LRRTM4: variants seen among roughly 807,000 people sequenced by gnomAD.
The protein encoded by LRRTM4 is leucine rich repeat transmembrane neuronal 4, also known as leucine-rich repeat transmembrane neuronal protein 4.
Under a neutral mutation model 47.6 loss-of-function variants are expected in LRRTM4, and 25 were observed. That is an observed-to-expected ratio of 0.53 (90% CI 0.38 to 0.73). The LOEUF (loss-of-function observed/expected upper bound fraction) is 0.73. LRRTM4 is among the 30% of genes least tolerant of loss of function. The pLI is 0.00. For synonymous variants in LRRTM4, 311 were observed against 269.5 expected, an observed-to-expected ratio of 1.15 and a Z score of -1.51; for missense variants, 638 against 713.4, an observed-to-expected ratio of 0.89 and a Z score of 1.20.
At chr2:76,921,327 C>T (rs1674426326) in intron 3 of LRRTM4, among the ~76,000 whole-genome samples, 1 of 151,990 alleles carries the variant, frequency 6.6e-6, no homozygotes, top group African/African-American at 2.4e-5. Context: ...CAGAAGTTCC[C>T]TTCTCAGCTA....
At chr2:77,330,564 A>T (rs1465021616) in intron 3 of LRRTM4, among the ~76,000 whole-genome samples, 1 of 152,202 alleles carries the variant, frequency 6.6e-6, no homozygotes, top group African/African-American at 2.4e-5. Flanking sequence ...ATGTAAAAAA[A>T]TTCCTACAGC....
At chr2:76,775,150 C>T in intron 3 of LRRTM4, among the ~76,000 whole-genome samples, 1 of 152,162 alleles carries the variant, frequency 6.6e-6, no homozygotes, top group East Asian at 1.9e-4. Flanking sequence ...TCATTCACAA[C>T]ATTTAGACAT....
At chr2:76,972,439 C>G (rs1042814458) in intron 3 of LRRTM4, among the ~76,000 whole-genome samples, 6 of 96,646 alleles carry the variant, frequency 6.2e-5, no homozygotes, top group African/African-American at 1.3e-4. Flanking sequence ...TTTTTTTGAG[C>G]TGGAGTCTCC....
intron 3 of LRRTM4, among the ~76,000 whole-genome samples, chr2:77,480,627 G>A (rs972433061): frequency 3.3e-5 from 5 of 151,978 alleles, no homozygotes; most frequent in African/African-American, 1.2e-4. Context: ...TATTAATAAA[G>A]CAGGCATATT....
At chr2:77,041,657 T>C (rs1174002420) in intron 3 of LRRTM4, among the ~76,000 whole-genome samples, 5 of 151,418 alleles carry the variant, frequency 3.3e-5, no homozygotes, top group African/African-American at 2.4e-5. Flanking sequence ...ATTAGTGATG[T>C]TGATTACTTT....
At position 76,949,952 on chromosome 2, in the gene LRRTM4, T is replaced by C. The variant is rs1573357375; in HGVS notation, c.1552-201036A>G. The stretch of plus-strand genomic sequence containing the variant: ...TGAGAAAAGCAAAATGCAGGAAAAG[T>C]AGAGATAAGATAGAAGACAAAATAT... On this transcript the variant is annotated intron_variant, in intron 3 of 3. Coordinates refer to ENST00000409884, the MANE Select transcript of LRRTM4 (RefSeq NM_001134745.3). 1.3e-5 allele frequency among the ~76,000 whole-genome samples: 2 copies of C among 151,692 alleles called. 1 individual carries two copies. Among genetic ancestry groups the C allele is most frequent in the Admixed American group, 1.3e-4 (2 of 15,206 alleles).
At chr2:77,204,614 G>A (rs1674069281) in intron 3 of LRRTM4, among the ~76,000 whole-genome samples, 2 of 152,118 alleles carry the variant, frequency 1.3e-5, no homozygotes, top group South Asian at 4.1e-4. Context: ...GCTATCTTGA[G>A]TCAAGCATTC....
Position 76,954,168 on chromosome 2 carries a change from G to A in LRRTM4, c.1552-205252C>T, listed in dbSNP as rs149205488. ...TATGGATCCCCACACAATGTTACAC[G>A]GCATGTAAAGAAATAGAAATAAGGC... is the stretch of plus-strand genomic sequence containing the variant. On this transcript the variant is annotated intron_variant, in intron 3 of 3. Transcript: ENST00000409884. Among the ~76,000 whole-genome samples, 527 of 151,668 alleles carry A rather than the reference G, an allele frequency of 3.5e-3. 4 individuals are homozygous for A. Among genetic ancestry groups the A allele is most frequent in the African/African-American group, 0.011 (467 of 41,392 alleles).
chr2:76,794,510 T>A (rs1573114826), intron 3 of LRRTM4, among the ~76,000 whole-genome samples: 1 of 152,274 alleles, frequency 6.6e-6, no homozygotes, highest in African/African-American at 2.4e-5. Context: ...AGGCAAACAT[T>A]TGCACCTCTT....
chr2:77,166,732 C>A (rs1672897407), intron 3 of LRRTM4, among the ~76,000 whole-genome samples: 1 of 152,208 alleles, frequency 6.6e-6, no homozygotes, highest in African/African-American at 2.4e-5. Context: ...ATAAATGGTA[C>A]TGGGAAAACT....
At chr2:77,286,680 A>G (rs972451428) in intron 3 of LRRTM4, among the ~76,000 whole-genome samples, 5 of 152,002 alleles carry the variant, frequency 3.3e-5, no homozygotes, top group African/African-American at 7.2e-5. Flanking sequence ...GAAGGCTTCT[A>G]TTTCAAATTA....
intron 3 of LRRTM4, among the ~76,000 whole-genome samples, chr2:77,067,716 C>T (rs372841180): frequency 6.8e-6 from 1 of 147,640 alleles, no homozygotes; most frequent in Non-Finnish European, 1.5e-5. Flanking sequence ...CACACACACA[C>T]ATACATATTT....
At chr2:77,176,891 C>G (rs1312405666) in intron 3 of LRRTM4, among the ~76,000 whole-genome samples, 1 of 152,090 alleles carries the variant, frequency 6.6e-6, no homozygotes, top group Non-Finnish European at 1.5e-5. Flanking sequence ...AAAGTGACAT[C>G]TGCTTGTGCT....
At chr2:77,504,207 A>G (rs1476016778) in intron 3 of LRRTM4, among the ~76,000 whole-genome samples, 1 of 151,396 alleles carries the variant, frequency 6.6e-6, no homozygotes, top group Non-Finnish European at 1.5e-5. Context: ...GACTGCCACC[A>G]TTTTTTTTGT....
intron 3 of LRRTM4, among the ~76,000 whole-genome samples, chr2:77,352,823 C>T (rs1485538790): frequency 6.6e-6 from 1 of 151,568 alleles, no homozygotes; most frequent in Non-Finnish European, 1.5e-5. Context: ...AATAGAGAAA[C>T]AAAAAATAAC....
chr2:77,240,284 TA>T (rs556339744), intron 3 of LRRTM4, among the ~76,000 whole-genome samples: 206 of 151,960 alleles, frequency 1.4e-3, no homozygotes, highest in Non-Finnish European at 2.3e-3. Context: ...ATCAATGTGA[TA>T]GAGTAAAGAA....
At chr2:76,795,955 C>G (rs4852417) in intron 3 of LRRTM4, among the ~76,000 whole-genome samples, 3 of 150,254 alleles carry the variant, frequency 2.0e-5, no homozygotes, top group African/African-American at 7.4e-5. Context: ...TCAGTGGGTG[C>G]GCGCACCATG....
rs181266470 is a variant in LRRTM4, at chr2:77,307,471, T to A, written c.1551+210847A>T. On this transcript the variant is annotated intron_variant, in intron 3 of 3. Transcript: ENST00000409884. ...TTCTGAAATTTAATAATTCAATGTT[T>A]ATATACATACATAATACATGTCACT... Among the ~76,000 whole-genome samples, 561 of 148,278 alleles carry A rather than the reference T, an allele frequency of 3.8e-3. 2 individuals are homozygous for A. The highest frequency in any genetic ancestry group is 7.2e-3 in the Middle Eastern group (2 of 276).
chr2:76,781,857 A>T (rs960066824), intron 3 of LRRTM4, among the ~76,000 whole-genome samples: 5 of 151,878 alleles, frequency 3.3e-5, no homozygotes, highest in African/African-American at 9.7e-5. Flanking sequence ...TCAGGTAAAT[A>T]TTTTTTCTCC....
Sources: gnomAD v4.1 joint callset for allele counts (sites outside exome capture counted in the v4.1 genomes callset) on GRCh38, gnomAD v4.1.1 for gene constraint, MANE v1.5 for transcripts, NCBI Gene and HGNC (gene_info 2026-07-23, HGNC 2026-07-21) for gene names.